Variants in DYNC2H1 observed in about 807,000 individuals in gnomAD.
DYNC2H1 encodes cytoplasmic dynein 2 heavy chain 1.
In DYNC2H1, 410 loss-of-function variants were observed where a neutral mutation model predicts 570.0. That is an observed-to-expected ratio of 0.72 (90% CI 0.66 to 0.78). The LOEUF (loss-of-function observed/expected upper bound fraction) is 0.78, where lower values mean the gene tolerates loss of function less well. DYNC2H1 is among the 30% of genes least tolerant of loss of function. The probability of loss-of-function intolerance (pLI) is 0.00; values close to 1 mark genes in which losing one functional copy is unlikely to be tolerated. For missense variants in DYNC2H1, 4,865 were observed against 5,046.4 expected, an observed-to-expected ratio of 0.96 and a Z score of 1.09; for synonymous variants, 1,688 against 1,677.6, an observed-to-expected ratio of 1.01 and a Z score of -0.15.
chr11:103,377,408 C>G lies in DYNC2H1; in HGVS notation c.12156+19049C>G, dbSNP rs147648275. On this transcript the variant is annotated intron_variant, in intron 83 of 88. Transcript: ENST00000375735. ...TGTTCTGGTCTGTTTTTGAAGCACTCAATTGTATTTTTTAGTTTATTTTCA... is the reference window on the plus strand; with the variant it reads ...TGTTCTGGTCTGTTTTTGAAGCACTGAATTGTATTTTTTAGTTTATTTTCA... Among the ~76,000 whole-genome samples the G allele has an allele frequency of 3.7e-3, 556 of 151,922 alleles. 4 individuals carry two copies. The highest frequency in any genetic ancestry group is 0.013 in the African/African-American group (535 of 41,466).
chr11:103,225,899 C>T (rs375168542), intron 59 of DYNC2H1, among the ~76,000 whole-genome samples: 11 of 151,102 alleles, frequency 7.3e-5, no homozygotes, highest in East Asian at 3.9e-4. Context: ...GATATGTTTC[C>T]ATTTGTTTGT....
chr11:103,142,026 A>G (rs1029744872), intron 17 of DYNC2H1, among the ~76,000 whole-genome samples: 1 of 152,182 alleles, frequency 6.6e-6, no homozygotes, highest in Non-Finnish European at 1.5e-5. Context: ...TGCAGGATAT[A>G]ATCTCCTGGT....
intron 84 of DYNC2H1, among the ~76,000 whole-genome samples, chr11:103,418,235 CT>C (rs1389985980): frequency 6.6e-6 from 1 of 151,896 alleles, no homozygotes; most frequent in Non-Finnish European, 1.5e-5. Context: ...GGAAGCCTGC[CT>C]TTATTTGCAG....
chr11:103,234,049 T>A lies in DYNC2H1; in HGVS notation c.9456T>A (p.Thr3152=). 6.4e-7 allele frequency: 1 copy of A among 1,556,850 alleles called. No homozygotes were observed. The highest frequency in any genetic ancestry group is 1.9e-5 in the Admixed American group (1 of 51,626). Reference sequence around the variant, plus strand: ...GTTTACATAGATTTCAGAGCAGGACTTCAGAAGCTGCCAAACTTGAGGCTG... The same window carrying A: ...GTTTACATAGATTTCAGAGCAGGACATCAGAAGCTGCCAAACTTGAGGCTG... ...SELKEKFQSR[T]SEAAKLEAEV... The change falls in exon 61 of 89, where the codon ACT becomes ACA. Residue 3152 remains threonine, a synonymous_variant. Transcript: ENST00000375735.
intron 79 of DYNC2H1, among the ~76,000 whole-genome samples, chr11:103,315,702 G>A (rs11225704): frequency 0.17 from 25,190 of 151,764 alleles, 2,283 homozygotes; most frequent in Admixed American, 0.25. Flanking sequence ...CATACTAAAT[G>A]TTTCTCTCCA....
chr11:103,208,174 A>C (rs1039454528), intron 52 of DYNC2H1, among the ~76,000 whole-genome samples: 25 of 152,296 alleles, frequency 1.6e-4, no homozygotes, highest in Non-Finnish European at 3.1e-4. Flanking sequence ...TAAGAGGAGA[A>C]GAGGCAACCA....
rs11371822 is a variant in DYNC2H1, at chr11:103,305,921, GT to G, written c.11382+1209del. 6.6e-6 allele frequency among the ~76,000 whole-genome samples: 1 copy of G among 151,726 alleles called. No individual in the cohort carries two copies. On this transcript the variant is annotated intron_variant, in intron 77 of 88. Transcript: ENST00000375735. The surrounding 1 kb of genome is among the most constrained non-coding windows in gnomAD (Gnocchi z 4.3). ...ATAAATCATATATGTTTTGTTTTGG[GT>G]TTTTTTTGAGACAGAATCTTGCTCT...
intron 75 of DYNC2H1, among the ~76,000 whole-genome samples, chr11:103,294,915 C>T (rs1866757112): frequency 6.6e-6 from 1 of 152,146 alleles, no homozygotes; most frequent in Admixed American, 6.6e-5. Context: ...GGTCTTGTGT[C>T]CAATTTGCAA....
At chr11:103,400,915 G>A (rs7931262) in intron 84 of DYNC2H1, among the ~76,000 whole-genome samples, 8,050 of 152,034 alleles carry the variant, frequency 0.053, 263 homozygotes, top group Non-Finnish European at 0.076. Context: ...ATACATTGCC[G>A]TCTCTGTTAA....
rs1863067009 is a variant in DYNC2H1 at position 103,209,546 on chromosome 11, A to G, written c.8455-330A>G. ...GCATTTTACTAGTTTTATGCCAAAT[A>G]AAATATTTTTATTATTGTATGTTTT... On this transcript the variant is annotated intron_variant, in intron 52 of 88. Transcript: ENST00000375735. This position sits in a 1 kb window ranked among gnomAD's most constrained non-coding sequence, Gnocchi z 4.2. 6.6e-6 allele frequency among the ~76,000 whole-genome samples: 1 copy of G among 152,032 alleles called. No homozygotes were observed. The highest frequency in any genetic ancestry group is 2.4e-5 in the African/African-American group (1 of 41,444).
chr11:103,398,659 T>C (rs1241087339), intron 83 of DYNC2H1, among the ~76,000 whole-genome samples: 1 of 152,180 alleles, frequency 6.6e-6, no homozygotes, highest in Non-Finnish European at 1.5e-5. Context: ...GAATAGCACT[T>C]TCCAAAATTA....
chr11:103,112,386 T>A (rs1858154812), intron 1 of DYNC2H1, among the ~76,000 whole-genome samples: 1 of 152,178 alleles, frequency 6.6e-6, no homozygotes, highest in African/African-American at 2.4e-5. Flanking sequence ...AGAGCTGTGA[T>A]CTGGTTTATG....
chr11:103,349,438 T>C (rs1405440843), intron 82 of DYNC2H1, among the ~76,000 whole-genome samples: 2 of 152,122 alleles, frequency 1.3e-5, no homozygotes, highest in Non-Finnish European at 2.9e-5. Context: ...TATCAGTAGG[T>C]AGGATTGTTA....
chr11:103,332,060 T>C, intron 82 of DYNC2H1, among the ~76,000 whole-genome samples: 1 of 146,024 alleles, frequency 6.8e-6, no homozygotes, highest in Non-Finnish European at 1.5e-5. Flanking sequence ...AAAGCGAGAC[T>C]CCATCTCAAA....
intron 59 of DYNC2H1, among the ~76,000 whole-genome samples, chr11:103,227,313 A>G (rs1390541416): frequency 6.6e-6 from 1 of 151,908 alleles, no homozygotes; most frequent in African/African-American, 2.4e-5. Flanking sequence ...TGATATAGGC[A>G]TTTAATGCTA....
At chr11:103,314,662 G>C (rs541795099) in intron 79 of DYNC2H1, among the ~76,000 whole-genome samples, 1 of 151,982 alleles carries the variant, frequency 6.6e-6, no homozygotes, top group South Asian at 2.1e-4. Context: ...AAAAGTTGGA[G>C]AATGTCACTT....
intron 84 of DYNC2H1, among the ~76,000 whole-genome samples, chr11:103,414,674 T>G (rs1326650200): frequency 2.6e-5 from 4 of 152,176 alleles, no homozygotes; most frequent in Non-Finnish European, 5.9e-5. Flanking sequence ...AATAAGTAAC[T>G]TCAGCAAAAT....
At chr11:103,215,663 A>ACT (rs1863349447) in intron 54 of DYNC2H1, 58 bp from the exon 55 acceptor site, 1 of 1,315,732 alleles carries the variant, frequency 7.6e-7, no homozygotes, top group Non-Finnish European at 9.7e-7. Flanking sequence ...GGCTTTATTT[A>ACT]CTGTGTGTGT....
intron 83 of DYNC2H1, among the ~76,000 whole-genome samples, chr11:103,399,138 G>GT (rs34549261): frequency 0.025 from 2,823 of 113,686 alleles, 436 homozygotes; most frequent in African/African-American, 0.084. Flanking sequence ...TTCCCACACC[G>GT]TTTTTTTTTT....
Sources: gnomAD v4.1 joint callset for allele counts (sites outside exome capture counted in the v4.1 genomes callset) on GRCh38, gnomAD v4.1.1 for gene constraint, Gnocchi (gnomAD v3.1) non-coding constraint, MANE v1.5 for transcripts, NCBI Gene and HGNC (gene_info 2026-07-23, HGNC 2026-07-21) for gene names.